Variants in ALPL observed in about 807,000 individuals in gnomAD.
The protein encoded by ALPL is alkaline phosphatase, tissue-nonspecific isozyme.
Under a neutral mutation model 51.3 loss-of-function variants are expected in ALPL, and 42 were observed. The observed-to-expected ratio is 0.82, with a 90% CI of 0.64 to 1.06. ALPL has a LOEUF of 1.06. Ranked by LOEUF, ALPL falls within the 50% of genes least tolerant of loss-of-function variation. ALPL has a pLI of 0.00. For synonymous variants in ALPL, 279 were observed against 296.4 expected (o/e 0.94, Z 0.60); for missense variants, 589 against 709.4 (o/e 0.83, Z 1.93).
intron 1 of ALPL, among the ~76,000 whole-genome samples, chr1:21,541,674 C>T (rs1644186461): frequency 6.6e-6 from 1 of 152,144 alleles, no homozygotes; most frequent in Non-Finnish European, 1.5e-5. Context: ...GTGCTGGGAG[C>T]TTGGGGAGGA....
intron 6 of ALPL, among the ~76,000 whole-genome samples, chr1:21,566,611 A>G (rs1250557634): frequency 1.3e-5 from 2 of 150,832 alleles, no homozygotes; most frequent in Non-Finnish European, 2.9e-5. Context: ...TATTTTTGAG[A>G]CAGGGTCTCA....
At chr1:21,572,502 A>G (rs1023089506) in intron 8 of ALPL, among the ~76,000 whole-genome samples, 3 of 152,134 alleles carry the variant, frequency 2.0e-5, no homozygotes, top group East Asian at 1.9e-4. Context: ...GTGGCATTCT[A>G]TGGCATACAA....
chr1:21,526,535 T>C (rs540203530), intron 1 of ALPL, among the ~76,000 whole-genome samples: 3 of 152,376 alleles, frequency 2.0e-5, no homozygotes, highest in South Asian at 2.1e-4. Context: ...AAGTTTCTAC[T>C]ATGACTTTTC....
chr1:21,536,863 G>A (rs1306825112), intron 1 of ALPL, among the ~76,000 whole-genome samples: 2 of 146,798 alleles, frequency 1.4e-5, no homozygotes, highest in Non-Finnish European at 3.0e-5. Context: ...CTTCTGCATT[G>A]TACCTTTTGA....
chr1:21,552,473 C>A (rs1644344559), intron 1 of ALPL, among the ~76,000 whole-genome samples: 1 of 124,304 alleles, frequency 8.0e-6, no homozygotes, highest in Non-Finnish European at 1.7e-5. Context: ...GAACAAAACT[C>A]CGTCTCAAAA....
chr1:21,577,660 C>G lies in ALPL; in HGVS notation c.*12C>G. 1 of 1,593,998 alleles carries G rather than the reference C, an allele frequency of 6.3e-7. No homozygotes were observed. Among genetic ancestry groups the G allele is most frequent in the Non-Finnish European group, 8.5e-7 (1 of 1,177,524 alleles). On this transcript the variant is annotated 3_prime_UTR_variant, in exon 12 of 12. Coordinates refer to ENST00000374840, the MANE Select transcript of ALPL (RefSeq NM_000478.6). Reference sequence around the variant, plus strand: ...GCGTCCTGTTCTGAGGGCCCAGGGCCCGGGCACCCACAAGCCCGTGACAGA... The same window carrying G: ...GCGTCCTGTTCTGAGGGCCCAGGGCGCGGGCACCCACAAGCCCGTGACAGA...
chr1:21,575,812 C>T lies in ALPL; in HGVS notation c.1077C>T (p.Ile359=), dbSNP rs567349821. The change falls in exon 10 of 12, where the codon ATC becomes ATT. Residue 359 remains isoleucine (I), a synonymous_variant. Coordinates refer to ENST00000374840, the MANE Select transcript of ALPL (RefSeq NM_000478.6). ...AGGCGGTGGAGATGGACCGGGCCAT[C>T]GGGCAGGCAGGCAGCTTGACCTCCT... ...LHEAVEMDRA[I]GQAGSLTSSE... 29 of 1,614,186 alleles carry T rather than the reference C, an allele frequency of 1.8e-5. No individual in the cohort carries two copies. The highest frequency in any genetic ancestry group is 1.2e-4 in the South Asian group (11 of 91,082).
chr1:21,533,649 G>C (rs1411650114), intron 1 of ALPL, among the ~76,000 whole-genome samples: 2 of 152,040 alleles, frequency 1.3e-5, no homozygotes, highest in Admixed American at 1.3e-4. Flanking sequence ...GTCTGGGCAC[G>C]GTGGCTCACG....
At chr1:21,571,500 A>G (rs936152998) in intron 8 of ALPL, among the ~76,000 whole-genome samples, 17 of 151,926 alleles carry the variant, frequency 1.1e-4, no homozygotes, top group South Asian at 6.2e-4. Context: ...GTGAAACCCC[A>G]TCTCTACTAA....
intron 6 of ALPL, 52 bp from the exon 7 acceptor site, chr1:21,568,052 G>A (rs1391589027): frequency 6.2e-7 from 1 of 1,612,994 alleles, no homozygotes; most frequent in African/African-American, 1.3e-5. Context: ...GGTCACTGGG[G>A]CTTCTGGGCA....
At chr1:21,517,550 C>G (rs1254481457) in intron 1 of ALPL, among the ~76,000 whole-genome samples, 2 of 152,118 alleles carry the variant, frequency 1.3e-5, no homozygotes, top group Admixed American at 6.5e-5. Flanking sequence ...GGTGGGGCAC[C>G]AGCGTCTGTT....
At chr1:21,546,305 T>C (rs1042962194) in intron 1 of ALPL, among the ~76,000 whole-genome samples, 7 of 152,274 alleles carry the variant, frequency 4.6e-5, no homozygotes, top group African/African-American at 1.4e-4. Context: ...GAGGGGACTT[T>C]CCTTGGCACC....
At chr1:21,560,144 G>C (rs551037724) in intron 2 of ALPL, among the ~76,000 whole-genome samples, 5 of 152,272 alleles carry the variant, frequency 3.3e-5, no homozygotes, top group Non-Finnish European at 5.9e-5. Context: ...CTACTTTAAT[G>C]AATAAGCTAA....
intron 6 of ALPL, among the ~76,000 whole-genome samples, chr1:21,566,963 C>A (rs1025820706): frequency 6.6e-6 from 1 of 152,146 alleles, no homozygotes; most frequent in African/African-American, 2.4e-5. Flanking sequence ...GGTCAGTAGT[C>A]GATAGAGTCA....
At position 21,576,529 on chromosome 1, in the gene ALPL, C is replaced by A. The variant is rs764010876; in HGVS notation, c.1197C>A (p.Ala399=). ...TPRGNSIFGL[A]PMLSDTDKKP... ...CACCCCCTCCCTGTGCAGGTCTGGC[C>A]CCCATGCTGAGTGACACAGACAAGA... The change falls in exon 11 of 12, where the codon GCC becomes GCA. Residue 399 remains alanine (A), a synonymous_variant. Transcript: ENST00000374840. 6.2e-7 allele frequency: 1 copy of A among 1,613,882 alleles called. No individual in the cohort carries two copies. Among genetic ancestry groups the A allele is most frequent in the Admixed American group, 1.7e-5 (1 of 60,002 alleles).
chr1:21,531,152 T>A (rs190916790), intron 1 of ALPL, among the ~76,000 whole-genome samples: 114 of 151,926 alleles, frequency 7.5e-4, no homozygotes, highest in African/African-American at 2.5e-3. Context: ...TGAGATGGGG[T>A]TTCACCATGT....
intron 4 of ALPL, among the ~76,000 whole-genome samples, chr1:21,561,515 G>A (rs1047268077): frequency 6.6e-6 from 1 of 152,132 alleles, no homozygotes; most frequent in South Asian, 2.1e-4. Flanking sequence ...TTAGCCTCCC[G>A]AGTAGCTGGG....
chr1:21,510,264 G>A (rs1643657707), intron 1 of ALPL, among the ~76,000 whole-genome samples: 1 of 152,220 alleles, frequency 6.6e-6, no homozygotes, highest in African/African-American at 2.4e-5. Flanking sequence ...AAGGCAGGAG[G>A]CCGAGGAAAG....
chr1:21,528,408 T>C (rs75746521), intron 1 of ALPL, among the ~76,000 whole-genome samples: 18,924 of 146,744 alleles, frequency 0.13, 1,725 homozygotes, highest in East Asian at 0.47. Context: ...AGTGCAGTGG[T>C]GTGATCTCAG....
Sources: gnomAD v4.1 joint callset for allele counts (sites outside exome capture counted in the v4.1 genomes callset) on GRCh38, gnomAD v4.1.1 for gene constraint, MANE v1.5 for transcripts, NCBI Gene and HGNC (gene_info 2026-07-23, HGNC 2026-07-21) for gene names.